The following CDIN1 variants were observed in gnomAD, a reference collection of about 807,000 sequenced individuals.
CDIN1 encodes the protein CDAN1-interacting nuclease 1.
CDIN1 carries 33 observed loss-of-function variants against 45.3 expected under a neutral mutation model. That is an observed-to-expected ratio of 0.73 (90% CI 0.55 to 0.97). The LOEUF (loss-of-function observed/expected upper bound fraction) is 0.97. CDIN1 is among the 50% of genes least tolerant of loss of function. The pLI, the probability that CDIN1 is intolerant of heterozygous loss-of-function variation, is 0.00. For missense variants in CDIN1, 303 were observed against 339.4 expected, an observed-to-expected ratio of 0.89 and a Z score of 0.84; for synonymous variants, 118 against 124.4, an observed-to-expected ratio of 0.95 and a Z score of 0.34.
intron 10 of CDIN1, among the ~76,000 whole-genome samples, chr15:36,746,672 C>CACACACACACACAT (rs2044451120): frequency 1.4e-5 from 1 of 72,184 alleles, no homozygotes; most frequent in Non-Finnish European, 2.9e-5. Context: ...TATGGTTCCA[C>CACACACACACACAT]ACACACACAC....
chr15:36,642,300 T>C (rs2040141564), intron 1 of CDIN1, among the ~76,000 whole-genome samples: 1 of 152,248 alleles, frequency 6.6e-6, no homozygotes. Flanking sequence ...GCTGGCAGAC[T>C]ACCTAGCAAA....
At chr15:36,735,600 C>A (rs2043989211) in intron 10 of CDIN1, among the ~76,000 whole-genome samples, 1 of 152,040 alleles carries the variant, frequency 6.6e-6, no homozygotes, top group South Asian at 2.1e-4. Flanking sequence ...AATTTAAAAA[C>A]TGTATATAGT....
chr15:36,761,960 A>G (rs572925508), intron 10 of CDIN1, among the ~76,000 whole-genome samples: 3 of 152,318 alleles, frequency 2.0e-5, no homozygotes, highest in East Asian at 3.9e-4. Context: ...AGTTCCTTGT[A>G]TACTGAAATG....
intron 1 of CDIN1, among the ~76,000 whole-genome samples, chr15:36,606,417 A>G (rs778319283): frequency 5.9e-5 from 9 of 152,174 alleles, no homozygotes; most frequent in Non-Finnish European, 1.2e-4. Context: ...CTGCACACAC[A>G]TGGAGGAAAG....
intron 10 of CDIN1, among the ~76,000 whole-genome samples, chr15:36,769,976 G>A (rs745568524): frequency 1.3e-5 from 2 of 152,086 alleles, no homozygotes; most frequent in Non-Finnish European, 2.9e-5. Flanking sequence ...TCAAATGGAC[G>A]ATGTCAAGAC....
intron 10 of CDIN1, among the ~76,000 whole-genome samples, chr15:36,713,006 T>C (rs1351632171): frequency 6.6e-6 from 1 of 152,196 alleles, no homozygotes; most frequent in Non-Finnish European, 1.5e-5. Context: ...GTGAGTTCTT[T>C]GACAATTTGG....
intron 10 of CDIN1, among the ~76,000 whole-genome samples, chr15:36,797,586 A>G (rs1344911007): frequency 6.6e-6 from 1 of 152,216 alleles, no homozygotes; most frequent in Admixed American, 6.5e-5. Context: ...TATCCTAGAC[A>G]GAATAGATTC....
At chr15:36,800,303 G>A (rs1196568407) in intron 10 of CDIN1, among the ~76,000 whole-genome samples, 1 of 152,038 alleles carries the variant, frequency 6.6e-6, no homozygotes, top group Non-Finnish European at 1.5e-5. Flanking sequence ...TACAGACCTG[G>A]CAAGGTAAGA....
intron 1 of CDIN1, among the ~76,000 whole-genome samples, chr15:36,594,136 A>T (rs1298940935): frequency 1.3e-5 from 2 of 152,172 alleles, no homozygotes; most frequent in African/African-American, 4.8e-5. Context: ...TTTAGTTTTC[A>T]TTGTATCATA....
At chr15:36,701,994 C>A (rs2042663123) in intron 8 of CDIN1, 2 of 700,376 alleles carry the variant, frequency 2.9e-6, no homozygotes, top group Non-Finnish European at 5.2e-6. Flanking sequence ...TATGATGTGA[C>A]AAACAGGGGA....
chr15:36,740,074 G>T (rs2044176418), intron 10 of CDIN1, among the ~76,000 whole-genome samples: 2 of 152,180 alleles, frequency 1.3e-5, no homozygotes, highest in South Asian at 4.1e-4. Context: ...AAAGTTGGGG[G>T]GTTGAATAAT....
intron 10 of CDIN1, among the ~76,000 whole-genome samples, chr15:36,724,977 TTGTCAAGCAG>T (rs2043569080): frequency 6.6e-6 from 1 of 152,114 alleles, no homozygotes; most frequent in African/African-American, 2.4e-5. Context: ...GGAGTTGCAT[TTGTCAAGCAG>T]CTAGGAAAAC....
At chr15:36,612,587 T>C (rs2038699681) in intron 1 of CDIN1, among the ~76,000 whole-genome samples, 1 of 152,166 alleles carries the variant, frequency 6.6e-6, no homozygotes, top group South Asian at 2.1e-4. Context: ...CATTTTAAAG[T>C]GTGTGCCTTA....
chr15:36,641,705 C>T (rs904735936), intron 1 of CDIN1: 1 of 151,818 alleles, frequency 6.6e-6, no homozygotes, highest in Non-Finnish European at 1.5e-5. Context: ...GAGTACTTGA[C>T]AGTGTTCTGA....
intron 10 of CDIN1, among the ~76,000 whole-genome samples, chr15:36,763,096 T>C (rs923398205): frequency 6.6e-6 from 1 of 152,238 alleles, no homozygotes; most frequent in Non-Finnish European, 1.5e-5. Flanking sequence ...TGAACCAGTT[T>C]ACAGTCCCAT....
At chr15:36,586,707 A>G (rs568222611) in intron 1 of CDIN1, among the ~76,000 whole-genome samples, 1 of 152,328 alleles carries the variant, frequency 6.6e-6, no homozygotes, top group African/African-American at 2.4e-5. Context: ...TGTGCCTGTG[A>G]ATAGCCACTG....
intron 5 of CDIN1, among the ~76,000 whole-genome samples, chr15:36,671,714 C>T (rs148562508): frequency 1.0e-3 from 159 of 152,190 alleles, no homozygotes; most frequent in African/African-American, 3.6e-3. Context: ...TTAGTTCATT[C>T]GTCAGGCACC....
At chr15:36,602,411 G>A (rs1368925017) in intron 1 of CDIN1, among the ~76,000 whole-genome samples, 1 of 152,214 alleles carries the variant, frequency 6.6e-6, no homozygotes, top group Non-Finnish European at 1.5e-5. Flanking sequence ...TTTGGAGTGT[G>A]TGACACAGTG....
intron 10 of CDIN1, among the ~76,000 whole-genome samples, chr15:36,763,072 A>T (rs952331504): frequency 6.6e-6 from 1 of 152,202 alleles, no homozygotes; most frequent in Non-Finnish European, 1.5e-5. Context: ...CACCACGCTG[A>T]CTTCCACAAT....
Sources: allele counts gnomAD v4.1 joint callset (sites outside exome capture counted in the v4.1 genomes callset), GRCh38; gene constraint gnomAD v4.1.1; transcripts MANE v1.5; gene names NCBI Gene and HGNC (gene_info 2026-07-23, HGNC 2026-07-21).